Variants in DEPDC5 observed in about 807,000 individuals in gnomAD.
The protein encoded by DEPDC5 is DEP domain containing 5, GATOR1 subcomplex subunit, also known as GATOR1 complex protein DEPDC5.
In DEPDC5, 73 loss-of-function variants were observed where a neutral mutation model predicts 217.3. The ratio of observed to expected loss-of-function variants is 0.34; its 90% confidence interval spans 0.28 to 0.41. The LOEUF is 0.41. DEPDC5 is among the 10% of genes least tolerant of loss of function. The pLI, the probability that DEPDC5 is intolerant of heterozygous loss-of-function variation, is 1.00. For missense variants in DEPDC5, 1,675 were observed against 2,070.1 expected, an observed-to-expected ratio of 0.81 and a Z score of 3.70; for synonymous variants, 733 against 756.7, an observed-to-expected ratio of 0.97 and a Z score of 0.51.
chr22:31,795,976 C>A (rs1047367293), intron 12 of DEPDC5, among the ~76,000 whole-genome samples: 4 of 152,108 alleles, frequency 2.6e-5, no homozygotes, highest in East Asian at 1.9e-4. Context: ...GTGATCCCCC[C>A]ACCTTGGCCT....
chr22:31,780,279 T>C (rs941213144), intron 8 of DEPDC5, among the ~76,000 whole-genome samples: 7 of 152,160 alleles, frequency 4.6e-5, no homozygotes, highest in Non-Finnish European at 8.8e-5. Flanking sequence ...AACTTGCTCA[T>C]AGATTGGATG....
chr22:31,797,747 G>A (rs1207830070), intron 13 of DEPDC5, 44 bp downstream of exon 13: 13 of 1,431,930 alleles, frequency 9.1e-6, no homozygotes, highest in Non-Finnish European at 1.3e-5. Context: ...GAAAGGAAGT[G>A]TAGGAGGGGT....
rs1199662362 is a variant in DEPDC5, at chr22:31,857,532, C to G, written c.3243C>G (p.Thr1081=). 6.2e-7 allele frequency: 1 copy of G among 1,611,554 alleles called. No homozygotes were observed. Among genetic ancestry groups the G allele is most frequent in the Admixed American group, 1.7e-5 (1 of 59,714 alleles). The change falls in exon 32 of 43, where the codon ACC becomes ACG. Residue 1081 remains threonine, a synonymous_variant. Transcript: ENST00000651528. The part of the protein sequence containing the change: ...AESSSVAMTP[T]YMDSPRKDGA... ...GCAGCAGCGTTGCCATGACTCCCAC[C>G]TACATGGACAGCCCACGAAAGGTAA...
intron 38 of DEPDC5, chr22:31,890,278 A>G (rs934044786): frequency 6.6e-6 from 1 of 152,182 alleles, no homozygotes; most frequent in Non-Finnish European, 1.5e-5. Context: ...TTCCAACTTC[A>G]AATCAATAAG....
intron 20 of DEPDC5, among the ~76,000 whole-genome samples, chr22:31,812,784 A>G (rs2088580189): frequency 7.2e-6 from 1 of 139,346 alleles, no homozygotes; most frequent in Admixed American, 7.5e-5. Flanking sequence ...CTTGTTGCCC[A>G]GGCTGGAGTG....
chr22:31,827,464 G>T (rs1351365275), intron 24 of DEPDC5, among the ~76,000 whole-genome samples: 1 of 152,120 alleles, frequency 6.6e-6, no homozygotes. Flanking sequence ...ATCATCTTTT[G>T]CCTGGATGCA....
chr22:31,906,954 ACT>A lies in DEPDC5; in HGVS notation c.*461_*462del, dbSNP rs2093768261. 4.3e-6 allele frequency: 1 copy of A among 230,238 alleles called. No homozygotes were observed. Among genetic ancestry groups the A allele is most frequent in the African/African-American group, 2.2e-5 (1 of 44,606 alleles). 14.3% of individuals were successfully genotyped at this position (230,238 alleles called of 1,614,324 possible). ...AATTTTGTGAAATAATGTACCATAG[ACT>A]CTCACCAACTGTATATACCTGTACA... On this transcript the variant is annotated 3_prime_UTR_variant, in exon 43 of 43. Coordinates refer to ENST00000651528, the MANE Select transcript of DEPDC5 (RefSeq NM_001242896.3). The surrounding 1 kb of genome is among the most constrained non-coding windows in gnomAD (Gnocchi z 5.1).
intron 11 of DEPDC5, 168 bp from the exon 12 acceptor site, chr22:31,792,577 G>C: frequency 8.1e-6 from 3 of 372,132 alleles, no homozygotes; most frequent in Non-Finnish European, 1.3e-5. Flanking sequence ...CTGCACTCCA[G>C]TCTGGGTGAC....
intron 16 of DEPDC5, 58 bp downstream of exon 16, chr22:31,804,281 A>C: frequency 6.4e-7 from 1 of 1,559,062 alleles, no homozygotes. Flanking sequence ...TAGAAAGAGA[A>C]AAATTCCAGG....
intron 32 of DEPDC5, among the ~76,000 whole-genome samples, chr22:31,860,124 A>G (rs2092457704): frequency 6.6e-6 from 1 of 152,208 alleles, no homozygotes; most frequent in Admixed American, 6.5e-5. Context: ...ATCCACATGC[A>G]TGACCCATCA....
At chr22:31,830,258 C>T (rs1780314390) in intron 24 of DEPDC5, among the ~76,000 whole-genome samples, 1 of 152,256 alleles carries the variant, frequency 6.6e-6, no homozygotes, top group South Asian at 2.1e-4. Flanking sequence ...AACACATTCA[C>T]AATTCTGAAC....
intron 37 of DEPDC5, 94 bp from the exon 38 acceptor site, chr22:31,879,431 G>A (rs577843892): frequency 2.2e-4 from 265 of 1,178,572 alleles, no homozygotes; most frequent in African/African-American, 4.7e-4. Context: ...CTTTTACTTA[G>A]CGTGTTTTTA....
At chr22:31,898,148 G>A (rs549073693) in intron 40 of DEPDC5, among the ~76,000 whole-genome samples, 6 of 152,178 alleles carry the variant, frequency 3.9e-5, no homozygotes, top group African/African-American at 7.2e-5. Context: ...GGAATGGTGC[G>A]TGTGACTCGA....
intron 10 of DEPDC5, 34 bp from the exon 11 acceptor site, chr22:31,791,999 A>C (rs1195610742): frequency 2.0e-6 from 3 of 1,489,508 alleles, no homozygotes. Context: ...AAATGAAACA[A>C]ACTTCAACCC....
chr22:31,888,357 C>T (rs2149348529), intron 38 of DEPDC5, among the ~76,000 whole-genome samples: 1 of 142,226 alleles, frequency 7.0e-6, no homozygotes, highest in Non-Finnish European at 1.5e-5. Flanking sequence ...TCAAGCAAGT[C>T]CCCTGCCTCA....
intron 27 of DEPDC5, among the ~76,000 whole-genome samples, chr22:31,842,575 C>CAAA (rs56671305): frequency 6.0e-4 from 44 of 73,454 alleles, no homozygotes; most frequent in African/African-American, 1.9e-3. Flanking sequence ...AACTCCATCT[C>CAAA]AAAAAAAAAA....
At chr22:31,852,835 G>A (rs1464560707) in intron 31 of DEPDC5, 1 of 152,246 alleles carries the variant, frequency 6.6e-6, no homozygotes, top group East Asian at 1.9e-4. Context: ...TTTTTTCGGA[G>A]ATGAGCTCCC....
chr22:31,775,845 G>T lies in DEPDC5; in HGVS notation c.414-2254G>T, dbSNP rs556465095. ...TCACAAGGTCAGGAGTTCGAGACCAGCCTGGCCAACATGGTGAAACCTCAT... is the reference window on the plus strand; with the variant it reads ...TCACAAGGTCAGGAGTTCGAGACCATCCTGGCCAACATGGTGAAACCTCAT... On this transcript the variant is annotated intron_variant, in intron 7 of 42. Transcript: ENST00000651528. Among the ~76,000 whole-genome samples, 7 of 151,894 alleles carry T rather than the reference G, an allele frequency of 4.6e-5. No homozygotes were observed. In the South Asian group the frequency reaches 6.3e-4, roughly 14 times the overall value.
At chr22:31,760,731 T>G in intron 4 of DEPDC5, 29 bp downstream of exon 4, 1 of 1,566,378 alleles carries the variant, frequency 6.4e-7, no homozygotes, top group Non-Finnish European at 8.7e-7. Flanking sequence ...TTCTTAGAAT[T>G]TTTTATTTAC....
Sources: gnomAD v4.1 joint callset for allele counts (sites outside exome capture counted in the v4.1 genomes callset) on GRCh38, gnomAD v4.1.1 for gene constraint, Gnocchi (gnomAD v3.1) non-coding constraint, MANE v1.5 for transcripts, NCBI Gene and HGNC (gene_info 2026-07-23, HGNC 2026-07-21) for gene names.